C13orf42: variants seen among roughly 807,000 people sequenced by gnomAD.
The protein encoded by C13orf42 is uncharacterized protein C13orf42.
chr13:51,147,892 A>T (rs572905266), intron 1 of C13orf42, among the ~76,000 whole-genome samples: 115 of 152,208 alleles, frequency 7.6e-4, no homozygotes, highest in African/African-American at 2.7e-3. Context: ...TGGCTAATAA[A>T]ACGGCTCAGT....
intron 1 of C13orf42, among the ~76,000 whole-genome samples, chr13:51,098,984 G>A (rs952140551): frequency 1.8e-4 from 27 of 152,250 alleles, no homozygotes; most frequent in Non-Finnish European, 3.5e-4. Flanking sequence ...AATTGGTCCT[G>A]ATTGAGAAGG....
chr13:51,135,961 G>A (rs940273387), intron 1 of C13orf42, among the ~76,000 whole-genome samples: 1 of 152,210 alleles, frequency 6.6e-6, no homozygotes, highest in Non-Finnish European at 1.5e-5. Context: ...GAAGAGTCCA[G>A]CAGGCCGGCA....
chr13:51,124,747 T>C (rs1013827898), intron 1 of C13orf42, among the ~76,000 whole-genome samples: 1 of 152,184 alleles, frequency 6.6e-6, no homozygotes, highest in Non-Finnish European at 1.5e-5. Context: ...CGCAGCAGTT[T>C]CCTGGCAAAT....
chr13:51,135,184 C>A (rs558081315), intron 1 of C13orf42, among the ~76,000 whole-genome samples: 1 of 152,314 alleles, frequency 6.6e-6, no homozygotes, highest in South Asian at 2.1e-4. Context: ...GGCAGTGGAA[C>A]TGTGAGAGTA....
Position 51,104,994 on chromosome 13 carries a change from A to G in C13orf42, c.414+5802T>C, listed in dbSNP as rs140413827. ...CTCCACAGGGAGCAATCGGCTGTCTAACATGCTAGGATGCAGGGTGGAGTG... is the reference window on the plus strand; with the variant it reads ...CTCCACAGGGAGCAATCGGCTGTCTGACATGCTAGGATGCAGGGTGGAGTG... On this transcript the variant is annotated intron_variant, in intron 1 of 3. Transcript: ENST00000563710. Among the ~76,000 whole-genome samples, 490 of 152,334 alleles carry G rather than the reference A, an allele frequency of 3.2e-3. 2 individuals carry two copies. The highest frequency in any genetic ancestry group is 0.011 in the African/African-American group (457 of 41,572).
chr13:51,114,657 GAC>G (rs1491148431), upstream of C13orf42, among the ~76,000 whole-genome samples: 6,841 of 82,112 alleles, frequency 0.083, 256 homozygotes, highest in African/African-American at 0.2. Flanking sequence ...GAGATAGACA[GAC>G]AGACAGACAG....
chr13:51,142,147 T>C (rs1953700536), intron 1 of C13orf42, among the ~76,000 whole-genome samples: 1 of 152,220 alleles, frequency 6.6e-6, no homozygotes, highest in Non-Finnish European at 1.5e-5. Context: ...TTTAGTAATA[T>C]TACCATAGCT....
chr13:51,128,196 CCTTGGGG>C (rs1448848589), intron 1 of C13orf42, among the ~76,000 whole-genome samples: 19 of 152,308 alleles, frequency 1.2e-4, no homozygotes, highest in African/African-American at 4.3e-4. Context: ...AACTAGCAGC[CCTTGGGG>C]CTGCTCTGCC....
intron 1 of C13orf42, among the ~76,000 whole-genome samples, chr13:51,140,737 G>T (rs1197297503): frequency 6.6e-6 from 1 of 152,080 alleles, no homozygotes; most frequent in Non-Finnish European, 1.5e-5. Flanking sequence ...TGGAAGGGAG[G>T]TCACTCCTTT....
At chr13:51,135,262 G>A (rs149581367) in intron 1 of C13orf42, among the ~76,000 whole-genome samples, 275 of 152,326 alleles carry the variant, frequency 1.8e-3, no homozygotes, top group African/African-American at 5.7e-3. Flanking sequence ...CCTGGAGAGA[G>A]ACCAGGTGGA....
chr13:51,157,489 A>AGG (rs1953833461), intron 1 of C13orf42, among the ~76,000 whole-genome samples: 3 of 152,220 alleles, frequency 2.0e-5, no homozygotes, highest in Admixed American at 1.3e-4. Context: ...CACACCAAAG[A>AGG]GGTGGCCAAT....
At chr13:51,089,110 T>C (rs1953157721) in intron 1 of C13orf42, among the ~76,000 whole-genome samples, 1 of 152,234 alleles carries the variant, frequency 6.6e-6, no homozygotes, top group Non-Finnish European at 1.5e-5. Context: ...TTATTTTATA[T>C]GGGCGTTTTG....
At chr13:51,099,950 T>C (rs1953270095) in intron 1 of C13orf42, among the ~76,000 whole-genome samples, 1 of 152,358 alleles carries the variant, frequency 6.6e-6, no homozygotes, top group Middle Eastern at 3.4e-3. Flanking sequence ...GCCTAACTGA[T>C]AGAACTGAAT....
chr13:51,118,389 C>T (rs1953508537), intron 1 of C13orf42, among the ~76,000 whole-genome samples: 1 of 152,204 alleles, frequency 6.6e-6, no homozygotes, highest in African/African-American at 2.4e-5. Context: ...GCACGACAGG[C>T]CTCCTACCTC....
At position 51,101,010 on chromosome 13, in the gene C13orf42, T is replaced by C. The variant is rs971881337; in HGVS notation, c.414+9786A>G. Among the ~76,000 whole-genome samples the C allele has an allele frequency of 1.6e-4, 25 of 152,326 alleles. 1 individual carries two copies. The highest frequency in any genetic ancestry group is 6.0e-4 in the African/African-American group (25 of 41,580). ...AGAAAAGAATACAAAGATGTATATA[T>C]GGTATGAACCAAATTTAGTACATTT... On this transcript the variant is annotated intron_variant, in intron 1 of 3. Transcript: ENST00000563710.
chr13:51,165,048 C>G (rs1207732486), intron 1 of C13orf42, among the ~76,000 whole-genome samples: 1 of 149,694 alleles, frequency 6.7e-6, no homozygotes, highest in East Asian at 1.9e-4. Flanking sequence ...GCTGACTATC[C>G]TCCCTTTGCC....
intron 1 of C13orf42, among the ~76,000 whole-genome samples, chr13:51,149,634 C>A (rs2138037221): frequency 6.6e-6 from 1 of 152,308 alleles, no homozygotes; most frequent in East Asian, 1.9e-4. Flanking sequence ...CCCCCAGACA[C>A]ACAAGAGAGG....
chr13:51,100,557 C>T (rs146926663), intron 1 of C13orf42, among the ~76,000 whole-genome samples: 1 of 152,042 alleles, frequency 6.6e-6, no homozygotes, highest in African/African-American at 2.4e-5. Flanking sequence ...TAAAAAAGGT[C>T]ATTCTTCAAT....
chr13:51,123,021 AC>A (rs1043516235), intron 1 of C13orf42, among the ~76,000 whole-genome samples: 1 of 152,164 alleles, frequency 6.6e-6, no homozygotes, highest in Non-Finnish European at 1.5e-5. Context: ...TGTTTTGCCC[AC>A]TGCTGTATCT....
Sources: gnomAD v4.1 joint callset for allele counts (sites outside exome capture counted in the v4.1 genomes callset) on GRCh38, gnomAD v4.1.1 for gene constraint, MANE v1.5 for transcripts, NCBI Gene and HGNC (gene_info 2026-07-23, HGNC 2026-07-21) for gene names.